The following PPP1R16B variants were observed in gnomAD, a reference collection of about 807,000 sequenced individuals.
PPP1R16B encodes protein phosphatase 1 regulatory subunit 16B.
In PPP1R16B, 14 loss-of-function variants were observed where a neutral mutation model predicts 61.7. The observed-to-expected ratio is 0.23, with a 90% CI of 0.15 to 0.35. The LOEUF is 0.35. PPP1R16B is among the 10% of genes least tolerant of loss of function. PPP1R16B has a pLI of 1.00. For missense variants in PPP1R16B, 547 were observed against 752.5 expected (o/e 0.73, Z 3.19); for synonymous variants, 266 against 305.3 (o/e 0.87, Z 1.34).
Position 38,906,035 on chromosome 20 carries a change from G to A in PPP1R16B, c.763G>A (p.Val255Met), listed in dbSNP as rs1568683664. ...GCTCCTCCTGGACCATGGAGTGCGT[G>A]TGGATGTGAAGGACTGGGATGGCTG... is the stretch of plus-strand genomic sequence containing the variant. ...AELLLDHGVR[V>M]DVKDWDGWEP... The change falls in exon 7 of 11, where the codon GTG (valine) becomes ATG (methionine). Residue 255 changes from valine (V) to methionine (M), a missense_variant. Val to Met is a conservative substitution (Grantham distance 21, BLOSUM62 1). Transcript: ENST00000299824. 2.5e-6 allele frequency: 4 copies of A among 1,613,766 alleles called. No individual in the cohort carries two copies. The highest frequency in any genetic ancestry group is 3.4e-6 in the Non-Finnish European group (4 of 1,179,936).
intron 4 of PPP1R16B, among the ~76,000 whole-genome samples, chr20:38,895,919 TC>T (rs1165552999): frequency 2.3e-4 from 18 of 78,340 alleles, no homozygotes; most frequent in Non-Finnish European, 3.6e-4. Flanking sequence ...CTTTCTTCCC[TC>T]CCTCCCTCCT....
At chr20:38,838,531 G>C (rs1043644457) in intron 2 of PPP1R16B, 4 of 152,472 alleles carry the variant, frequency 2.6e-5, no homozygotes, top group Non-Finnish European at 5.9e-5. Flanking sequence ...TGGGTGAAAA[G>C]AGAGGTGGAA....
chr20:38,852,513 AT>A (rs1352151871), intron 2 of PPP1R16B, among the ~76,000 whole-genome samples: 1 of 152,138 alleles, frequency 6.6e-6, no homozygotes, highest in Admixed American at 6.5e-5. Flanking sequence ...TCTTGGGGAT[AT>A]TTAACCAATT....
intron 3 of PPP1R16B, among the ~76,000 whole-genome samples, chr20:38,893,568 G>A (rs1047581072): frequency 1.3e-5 from 2 of 151,020 alleles, no homozygotes; most frequent in African/African-American, 4.9e-5. Context: ...AAGCTGGGAA[G>A]GGAGGAAGTG....
At chr20:38,901,363 A>T (rs922122958) in intron 5 of PPP1R16B, among the ~76,000 whole-genome samples, 1 of 152,178 alleles carries the variant, frequency 6.6e-6, no homozygotes, top group African/African-American at 2.4e-5. Context: ...AGAGGTTCTT[A>T]ACCATTTTTG....
At chr20:38,871,586 A>AAGGG (rs531534207) in intron 2 of PPP1R16B, among the ~76,000 whole-genome samples, 2 of 131,568 alleles carry the variant, frequency 1.5e-5, no homozygotes, top group African/African-American at 2.8e-5. Context: ...GAGAGGAACG[A>AAGGG]AGGGAGGGAG....
chr20:38,864,386 G>A (rs531795571), intron 2 of PPP1R16B, among the ~76,000 whole-genome samples: 2 of 152,334 alleles, frequency 1.3e-5, no homozygotes, highest in Admixed American at 6.5e-5. Context: ...AAAAGTCAGG[G>A]AGAGGAAGAG....
intron 5 of PPP1R16B, among the ~76,000 whole-genome samples, chr20:38,901,713 A>G (rs539690805): frequency 1.3e-3 from 204 of 152,216 alleles, no homozygotes; most frequent in Non-Finnish European, 2.4e-3. Context: ...CCCAGCCAGA[A>G]TAATGTTTTT....
At chr20:38,805,931 C>T (rs2145697467) in intron 1 of PPP1R16B, 139 bp downstream of exon 1, 1 of 151,828 alleles carries the variant, frequency 6.6e-6, no homozygotes, top group African/African-American at 2.4e-5. Context: ...GGGACGATAG[C>T]TTGAGATAAA....
chr20:38,903,560 T>A (rs1361877645), intron 6 of PPP1R16B, among the ~76,000 whole-genome samples: 6 of 119,646 alleles, frequency 5.0e-5, no homozygotes, highest in Non-Finnish European at 1.0e-4. Context: ...CATCCATCCA[T>A]CCATCCGTCC....
At chr20:38,890,064 G>A (rs1217907810) in intron 3 of PPP1R16B, among the ~76,000 whole-genome samples, 1 of 152,212 alleles carries the variant, frequency 6.6e-6, no homozygotes, top group Non-Finnish European at 1.5e-5. Context: ...AGGTCACATG[G>A]TCTTGATTTA....
At chr20:38,908,721 T>A (rs2085466234) in intron 10 of PPP1R16B, among the ~76,000 whole-genome samples, 1 of 152,264 alleles carries the variant, frequency 6.6e-6, no homozygotes, top group African/African-American at 2.4e-5. Flanking sequence ...TAAGCTGCTT[T>A]CATTTCTGAT....
At chr20:38,840,184 C>A (rs1182026664) in intron 2 of PPP1R16B, among the ~76,000 whole-genome samples, 1 of 152,350 alleles carries the variant, frequency 6.6e-6, no homozygotes, top group Non-Finnish European at 1.5e-5. Context: ...TTTCAGCAGG[C>A]TGGGAACGGC....
intron 1 of PPP1R16B, among the ~76,000 whole-genome samples, chr20:38,826,171 C>T (rs556441940): frequency 9.2e-5 from 14 of 152,080 alleles, no homozygotes; most frequent in Non-Finnish European, 2.1e-4. Flanking sequence ...GGAAAATGAT[C>T]CCTCCAGCTG....
At chr20:38,875,599 A>C (rs1044779745) in intron 2 of PPP1R16B, among the ~76,000 whole-genome samples, 4 of 151,800 alleles carry the variant, frequency 2.6e-5, no homozygotes, top group Non-Finnish European at 4.4e-5. Flanking sequence ...CGCAAACAAA[A>C]CCCCCCAGCG....
At chr20:38,871,676 A>G (rs1459997264) in intron 2 of PPP1R16B, among the ~76,000 whole-genome samples, 1 of 105,564 alleles carries the variant, frequency 9.5e-6, no homozygotes, top group Non-Finnish European at 1.9e-5. Context: ...GAGGGAAGGA[A>G]GGAGGGAGGG....
At chr20:38,912,409 T>C (rs1372237845) in intron 10 of PPP1R16B, among the ~76,000 whole-genome samples, 1 of 151,064 alleles carries the variant, frequency 6.6e-6, no homozygotes, top group Non-Finnish European at 1.5e-5. Flanking sequence ...TCACAAATCC[T>C]GTAATCCCAA....
At chr20:38,812,795 C>T (rs1209021971) in intron 1 of PPP1R16B, among the ~76,000 whole-genome samples, 3 of 152,130 alleles carry the variant, frequency 2.0e-5, no homozygotes, top group South Asian at 2.1e-4. Flanking sequence ...AGAAGACTGG[C>T]CCCAAAGGGT....
intron 2 of PPP1R16B, among the ~76,000 whole-genome samples, chr20:38,837,472 G>T (rs979932800): frequency 2.0e-5 from 3 of 151,678 alleles, no homozygotes; most frequent in African/African-American, 7.3e-5. Context: ...TAAAGTGAAT[G>T]AGTAAATAAA....
Sources: allele counts gnomAD v4.1 joint callset (sites outside exome capture counted in the v4.1 genomes callset), GRCh38; gene constraint gnomAD v4.1.1; transcripts MANE v1.5; gene names NCBI Gene and HGNC (gene_info 2026-07-23, HGNC 2026-07-21).